LRP1B: variants seen among roughly 807,000 people sequenced by gnomAD.
LRP1B encodes the protein low-density lipoprotein receptor-related protein 1B.
LRP1B carries 217 observed loss-of-function variants against 556.6 expected under a neutral mutation model. The ratio of observed to expected loss-of-function variants is 0.39; its 90% CI spans 0.35 to 0.44. The LOEUF (loss-of-function observed/expected upper bound fraction) is 0.44. Among genes scored for constraint, LRP1B ranks in the 20% least tolerant of loss-of-function variants. The probability of loss-of-function intolerance (pLI) is 1.00; values close to 1 mark genes in which losing one functional copy is unlikely to be tolerated. For missense variants in LRP1B, 5,053 were observed against 5,620.8 expected (o/e 0.90, Z 3.23); for synonymous variants, 2,047 against 1,865.8 (o/e 1.10, Z -2.50).
intron 24 of LRP1B, among the ~76,000 whole-genome samples, chr2:140,884,550 C>T (rs1407543245): frequency 6.6e-6 from 1 of 152,006 alleles, no homozygotes; most frequent in Non-Finnish European, 1.5e-5. Context: ...CAAAGATCAA[C>T]CCCAGATGAC....
chr2:140,546,180 T>C (rs2105033561), intron 43 of LRP1B, among the ~76,000 whole-genome samples: 1 of 152,242 alleles, frequency 6.6e-6, no homozygotes, highest in South Asian at 2.1e-4. Flanking sequence ...AAGAAGCTTT[T>C]GGGCTGAGAC....
chr2:141,524,263 A>G (rs549357501), intron 2 of LRP1B, among the ~76,000 whole-genome samples: 3 of 148,126 alleles, frequency 2.0e-5, no homozygotes, highest in South Asian at 4.3e-4. Flanking sequence ...ATAAGCAAAG[A>G]ATATATATAT....
intron 3 of LRP1B, among the ~76,000 whole-genome samples, chr2:141,338,210 G>T (rs139409118): frequency 6.9e-4 from 105 of 152,234 alleles, no homozygotes; most frequent in African/African-American, 2.5e-3. Context: ...GGGACCTAAG[G>T]TCCCTCAGAG....
intron 7 of LRP1B, among the ~76,000 whole-genome samples, chr2:141,150,364 A>G (rs1349699001): frequency 3.3e-5 from 5 of 152,176 alleles, no homozygotes; most frequent in Non-Finnish European, 7.4e-5. Flanking sequence ...AAATCTGAGC[A>G]GGTTTCTGCT....
chr2:140,933,309 G>T (rs542522575), intron 20 of LRP1B, among the ~76,000 whole-genome samples: 2 of 152,174 alleles, frequency 1.3e-5, no homozygotes, highest in East Asian at 3.9e-4. Context: ...CAAAGAAAAG[G>T]CAGCACTTTA....
intron 25 of LRP1B, among the ~76,000 whole-genome samples, chr2:140,873,212 T>A (rs1460411703): frequency 6.6e-6 from 1 of 152,090 alleles, no homozygotes; most frequent in African/African-American, 2.4e-5. Context: ...TTATAAGGTG[T>A]CAAAATTTGC....
At chr2:141,758,806 A>T (rs1371429516) in intron 2 of LRP1B, among the ~76,000 whole-genome samples, 1 of 152,126 alleles carries the variant, frequency 6.6e-6, no homozygotes, top group Non-Finnish European at 1.5e-5. Flanking sequence ...ATCATTAAAA[A>T]GTGTCTCATT....
At chr2:140,476,632 C>A (rs1687986405) in intron 59 of LRP1B, among the ~76,000 whole-genome samples, 1 of 151,924 alleles carries the variant, frequency 6.6e-6, no homozygotes, top group Admixed American at 6.6e-5. Context: ...CAATCATTTT[C>A]TTGATTTGCA....
At position 141,295,721 on chromosome 2, in the gene LRP1B, A is replaced by T. The variant is rs1686154435; in HGVS notation, c.344-41080T>A. On this transcript the variant is annotated intron_variant, in intron 3 of 90. Coordinates refer to ENST00000389484, the MANE Select transcript of LRP1B (RefSeq NM_018557.3). Reference sequence around the variant, plus strand: ...GTCAAGAGGGAAATGCCAAACAACTACTCCAACTTTACTATGAGGAGAGAA... The same window carrying T: ...GTCAAGAGGGAAATGCCAAACAACTTCTCCAACTTTACTATGAGGAGAGAA... Among the ~76,000 whole-genome samples, 3 of 143,900 alleles carry T rather than the reference A, an allele frequency of 2.1e-5. No homozygotes were observed. The South Asian group carries it at 6.6e-4, about 32-fold the overall frequency. 94.4% of individuals were successfully genotyped at this position (143,900 alleles called of 152,430 possible). A position where few individuals can be genotyped will look rare whatever the true frequency, so the allele number is the denominator to read the frequency against.
chr2:140,305,497 G>T (rs376303689), intron 83 of LRP1B, among the ~76,000 whole-genome samples: 1 of 152,166 alleles, frequency 6.6e-6, no homozygotes, highest in African/African-American at 2.4e-5. Context: ...TTTGCACATT[G>T]ATTTTGTATC....
rs1009812659 is a variant in LRP1B, at chr2:140,364,607, G to A, written c.11131+54C>T. On this transcript the variant is annotated intron_variant, in intron 72 of 90. Coordinates refer to ENST00000389484, the MANE Select transcript of LRP1B (RefSeq NM_018557.3). Reference sequence around the variant, plus strand: ...CTCCCCACTTCATTGATTCATGCTGGTGCCTGAGATCAGAAGATAAAAGTA... The same window carrying A: ...CTCCCCACTTCATTGATTCATGCTGATGCCTGAGATCAGAAGATAAAAGTA... The A allele has an allele frequency of 7.6e-6, 12 of 1,587,164 alleles. No homozygotes were observed. The African/African-American group carries it at 1.2e-4, about 16-fold the overall frequency.
At chr2:140,672,482 T>TA (rs55884730) in intron 41 of LRP1B, among the ~76,000 whole-genome samples, 54,712 of 81,092 alleles carry the variant, frequency 0.67, 19,484 homozygotes, top group Non-Finnish European at 0.75. Flanking sequence ...AGACTCCATC[T>TA]AAAAAAAAAA....
chr2:141,438,079 G>A (rs187026030), intron 3 of LRP1B, among the ~76,000 whole-genome samples: 24 of 152,196 alleles, frequency 1.6e-4, no homozygotes, highest in Admixed American at 7.8e-4. Context: ...ACTGCATGTA[G>A]ATATTTCTAA....
At chr2:140,294,977 C>T (rs1683541353) in intron 84 of LRP1B, among the ~76,000 whole-genome samples, 2 of 152,036 alleles carry the variant, frequency 1.3e-5, no homozygotes, top group Admixed American at 6.6e-5. Context: ...CCTGGGTTCA[C>T]GCCATCATCC....
chr2:140,451,984 C>G (rs1423330344), intron 62 of LRP1B, among the ~76,000 whole-genome samples: 1 of 152,042 alleles, frequency 6.6e-6, no homozygotes, highest in Non-Finnish European at 1.5e-5. Flanking sequence ...TTTAACTCCT[C>G]CCTTTAAAAA....
chr2:140,515,976 T>G (rs956203090), intron 50 of LRP1B, among the ~76,000 whole-genome samples: 4 of 152,086 alleles, frequency 2.6e-5, no homozygotes, highest in Non-Finnish European at 5.9e-5. Context: ...CTATTGGAAA[T>G]TTCTTTGATT....
chr2:141,358,852 A>G (rs762476157), intron 3 of LRP1B, among the ~76,000 whole-genome samples: 12 of 152,310 alleles, frequency 7.9e-5, no homozygotes, highest in Non-Finnish European at 1.3e-4. Flanking sequence ...AAAACATTGT[A>G]TTCTACAAAT....
rs1574703661 is a variant in LRP1B at position 142,115,783 on chromosome 2, TATATATC to T, written c.82+14858_82+14864del. Among the ~76,000 whole-genome samples, 2 of 42,326 alleles carry T rather than the reference TATATATC, an allele frequency of 4.7e-5. 1 individual carries two copies. Among genetic ancestry groups the T allele is most frequent in the Admixed American group, 1.0e-3 (2 of 1,986 alleles). 27.8% of individuals were successfully genotyped at this position (42,326 alleles called of 152,430 possible). A position where few individuals can be genotyped will look rare whatever the true frequency, so the allele number is the denominator to read the frequency against. On this transcript the variant is annotated intron_variant, in intron 1 of 90. Coordinates refer to ENST00000389484, the MANE Select transcript of LRP1B (RefSeq NM_018557.3). ...TGTAATATATATCATATATATGTAA[TATATATC>T]ATATATATGTAATATATATCATATA...
intron 2 of LRP1B, among the ~76,000 whole-genome samples, chr2:141,663,598 A>T (rs1690306905): frequency 6.6e-6 from 1 of 152,210 alleles, no homozygotes; most frequent in South Asian, 2.1e-4. Context: ...GAAGAAATGG[A>T]TACATTTCTG....
Sources: gnomAD v4.1 joint callset for allele counts (sites outside exome capture counted in the v4.1 genomes callset) on GRCh38, gnomAD v4.1.1 for gene constraint, MANE v1.5 for transcripts, NCBI Gene and HGNC (gene_info 2026-07-23, HGNC 2026-07-21) for gene names.